Variants in NR6A1 observed in about 807,000 individuals in gnomAD.
The protein encoded by NR6A1 is nuclear receptor subfamily 6 group A member 1.
Under a neutral mutation model 59.1 loss-of-function variants are expected in NR6A1, and 7 were observed. The ratio of observed to expected loss-of-function variants is 0.12; its 90% CI spans 0.07 to 0.22. The LOEUF is 0.22. Ranked by LOEUF, NR6A1 falls within the 10% of genes least tolerant of loss-of-function variation. The pLI, the probability that NR6A1 is intolerant of heterozygous loss-of-function variation, is 1.00. For missense variants in NR6A1, 468 were observed against 611.6 expected (o/e 0.77, Z 2.48); for synonymous variants, 243 against 236.1 (o/e 1.03, Z -0.27).
At chr9:124,599,713 AACCACC>A in intron 2 of NR6A1, 1 of 507,874 alleles carries the variant, frequency 2.0e-6, no homozygotes, top group African/African-American at 2.1e-5. Context: ...AACCTTAGTT[AACCACC>A]AAGAGATTGT....
At chr9:124,639,558 AC>A (rs1836711986) in intron 2 of NR6A1, among the ~76,000 whole-genome samples, 1 of 152,212 alleles carries the variant, frequency 6.6e-6, no homozygotes. Flanking sequence ...AATGTTCTTA[AC>A]CTCTCTACTG....
chr9:124,595,724 A>C (rs1285424402), intron 2 of NR6A1: 1 of 1,204,912 alleles, frequency 8.3e-7, no homozygotes, highest in Non-Finnish European at 1.1e-6. Flanking sequence ...TAACCCTTAG[A>C]TTTGGGCCCC....
intron 2 of NR6A1, among the ~76,000 whole-genome samples, chr9:124,639,474 C>T (rs1836709760): frequency 1.3e-5 from 2 of 152,192 alleles, no homozygotes; most frequent in Non-Finnish European, 2.9e-5. Context: ...GGCTGGTTTA[C>T]TTTGCTCAAG....
rs149053409 is a variant in NR6A1 at position 124,674,807 on chromosome 9, T to C, written c.142+58501A>G. ...GAACTATATAACTACTAAGTAAATG[T>C]GACCTCATCCATCCAGAAACAGGTA... is the stretch of plus-strand genomic sequence containing the variant. On this transcript the variant is annotated intron_variant, in intron 2 of 9. Transcript: ENST00000487099. Among the ~76,000 whole-genome samples, 429 of 152,322 alleles carry C rather than the reference T, an allele frequency of 2.8e-3. 3 individuals are homozygous for C. The highest frequency in any genetic ancestry group is 4.4e-3 in the Non-Finnish European group (298 of 68,020).
chr9:124,603,397 G>C (rs939985132), intron 2 of NR6A1, among the ~76,000 whole-genome samples: 1 of 151,894 alleles, frequency 6.6e-6, no homozygotes, highest in African/African-American at 2.4e-5. Flanking sequence ...CTTACCTCAC[G>C]ACAGGTTTTT....
At chr9:124,564,911 T>G (rs1026126010) in intron 2 of NR6A1, among the ~76,000 whole-genome samples, 2 of 152,198 alleles carry the variant, frequency 1.3e-5, no homozygotes, top group African/African-American at 4.8e-5. Flanking sequence ...TAGCCATGAA[T>G]ATATGAATAT....
chr9:124,758,515 G>A (rs1048869181), intron 1 of NR6A1, among the ~76,000 whole-genome samples: 1 of 152,132 alleles, frequency 6.6e-6, no homozygotes, highest in Non-Finnish European at 1.5e-5. Flanking sequence ...AAATGAAACT[G>A]TACTCAAAAA....
chr9:124,743,720 G>A (rs1030080576), intron 1 of NR6A1, among the ~76,000 whole-genome samples: 2 of 152,188 alleles, frequency 1.3e-5, no homozygotes, highest in Non-Finnish European at 2.9e-5. Flanking sequence ...AGCTTTCAAG[G>A]CTGTAGCTAT....
chr9:124,739,566 T>A (rs555550858), intron 1 of NR6A1, among the ~76,000 whole-genome samples: 1 of 152,334 alleles, frequency 6.6e-6, no homozygotes, highest in East Asian at 1.9e-4. Context: ...GCAACCCTCC[T>A]ACTTCAGCCT....
chr9:124,757,411 AAAC>A (rs1192629832), intron 1 of NR6A1, among the ~76,000 whole-genome samples: 5 of 152,216 alleles, frequency 3.3e-5, no homozygotes, highest in African/African-American at 1.2e-4. Flanking sequence ...ATTTAAAATT[AAAC>A]AAAAAGCAGA....
chr9:124,585,328 C>T (rs558891469), intron 2 of NR6A1, among the ~76,000 whole-genome samples: 3 of 152,134 alleles, frequency 2.0e-5, no homozygotes, highest in South Asian at 2.1e-4. Context: ...ATCATGAGGT[C>T]GGGAGATCGA....
intron 2 of NR6A1, among the ~76,000 whole-genome samples, chr9:124,624,717 C>T (rs1836183298): frequency 6.6e-6 from 1 of 152,182 alleles, no homozygotes; most frequent in African/African-American, 2.4e-5. Context: ...TTCAGTCAGA[C>T]TTTGTGATTT....
chr9:124,739,743 T>A (rs1285552816), intron 1 of NR6A1, among the ~76,000 whole-genome samples: 2 of 152,234 alleles, frequency 1.3e-5, no homozygotes, highest in Non-Finnish European at 2.9e-5. Flanking sequence ...AATTGTAAAT[T>A]TACCATGACA....
chr9:124,638,153 G>A (rs966471729), intron 2 of NR6A1, among the ~76,000 whole-genome samples: 1 of 151,850 alleles, frequency 6.6e-6, no homozygotes, highest in African/African-American at 2.4e-5. Context: ...CTACTCAGGA[G>A]GCTAAAGCAG....
At chr9:124,698,231 T>G (rs1184763078) in intron 2 of NR6A1, 1 of 152,198 alleles carries the variant, frequency 6.6e-6, no homozygotes, top group Non-Finnish European at 1.5e-5. Flanking sequence ...CTTTCTACTC[T>G]GGTTTCTCTT....
intron 2 of NR6A1, among the ~76,000 whole-genome samples, chr9:124,728,374 G>A (rs1473493667): frequency 1.6e-4 from 25 of 151,802 alleles, no homozygotes; most frequent in Admixed American, 7.9e-4. Flanking sequence ...GGTGGCTCAC[G>A]CCTGTAATCC....
chr9:124,595,966 G>A (rs78575671), intron 2 of NR6A1: 23 of 195,898 alleles, frequency 1.2e-4, no homozygotes, highest in African/African-American at 4.3e-4. Flanking sequence ...CAACGTGTAC[G>A]GAGTTCGTTT....
intron 3 of NR6A1, among the ~76,000 whole-genome samples, chr9:124,550,162 G>C (rs572877818): frequency 6.6e-6 from 1 of 152,116 alleles, no homozygotes; most frequent in African/African-American, 2.4e-5. Flanking sequence ...ATACAATGTT[G>C]GTGTGTTTTA....
chr9:124,642,713 G>T (rs1483030464), intron 2 of NR6A1, among the ~76,000 whole-genome samples: 1 of 152,166 alleles, frequency 6.6e-6, no homozygotes, highest in Non-Finnish European at 1.5e-5. Context: ...GGGCAGGGTG[G>T]TGGAGGGAGA....
Sources: allele counts gnomAD v4.1 joint callset (sites outside exome capture counted in the v4.1 genomes callset), GRCh38; gene constraint gnomAD v4.1.1; transcripts MANE v1.5; gene names NCBI Gene and HGNC (gene_info 2026-07-23, HGNC 2026-07-21).